Variants in RYR2 observed in about 807,000 individuals in gnomAD.
RYR2 encodes the protein ryanodine receptor 2.
Under a neutral mutation model 601.1 loss-of-function variants are expected in RYR2, and 227 were observed. The observed-to-expected ratio is 0.38, with a 90% CI of 0.34 to 0.42. The LOEUF is 0.42. Ranked by LOEUF, RYR2 falls within the 10% of genes least tolerant of loss-of-function variation. The pLI is 1.00. For synonymous variants in RYR2, 2,223 were observed against 2,175.1 expected, an observed-to-expected ratio of 1.02 and a Z score of -0.61; for missense variants, 4,646 against 6,156.5, an observed-to-expected ratio of 0.75 and a Z score of 8.21.
chr1:237,098,387 ATGTGTGTG>A (rs937631817), intron 1 of RYR2, among the ~76,000 whole-genome samples: 57 of 47,304 alleles, frequency 1.2e-3, no homozygotes, highest in African/African-American at 2.5e-3. Flanking sequence ...CATTGTGTGT[ATGTGTGTG>A]TGTGTGTGTG....
chr1:237,389,618 G>C (rs960552555), intron 10 of RYR2, among the ~76,000 whole-genome samples: 8 of 152,118 alleles, frequency 5.3e-5, no homozygotes, highest in African/African-American at 1.7e-4. Flanking sequence ...TGGGTTTAGG[G>C]GAGAACTAGA....
At chr1:237,173,369 C>T (rs573945640) in intron 1 of RYR2, among the ~76,000 whole-genome samples, 3 of 152,300 alleles carry the variant, frequency 2.0e-5, no homozygotes, top group African/African-American at 7.2e-5. Context: ...TCTCTCCAAA[C>T]CTTTATTTCC....
chr1:237,654,534 A>T (rs1683062631), intron 52 of RYR2, 120 bp downstream of exon 52: 3 of 937,152 alleles, frequency 3.2e-6, no homozygotes, highest in Middle Eastern at 2.7e-4. Context: ...GTATGGCTTG[A>T]TTTTTTCTCT....
chr1:237,556,977 A>T (rs2148163614), intron 27 of RYR2, among the ~76,000 whole-genome samples: 1 of 148,188 alleles, frequency 6.7e-6, no homozygotes, highest in African/African-American at 2.5e-5. Context: ...AATGTGAGTG[A>T]TAGGTGGTTC....
intron 102 of RYR2, among the ~76,000 whole-genome samples, chr1:237,829,756 A>G (rs566432075): frequency 6.6e-6 from 1 of 152,332 alleles, no homozygotes; most frequent in East Asian, 1.9e-4. Flanking sequence ...TTCAGATGGC[A>G]TAAAACAGCT....
chr1:237,553,550 A>G (rs1670606997), intron 27 of RYR2, among the ~76,000 whole-genome samples: 1 of 151,910 alleles, frequency 6.6e-6, no homozygotes, highest in African/African-American at 2.4e-5. Flanking sequence ...CTTCTTTTGC[A>G]TTTCCATATA....
At position 237,454,467 on chromosome 1, in the gene RYR2, C is replaced by A; in HGVS notation, c.1369C>A (p.Gln457Lys). The A allele has an allele frequency of 6.2e-7, 1 of 1,613,576 alleles. No homozygotes were observed. The highest frequency in any genetic ancestry group is 8.5e-7 in the Non-Finnish European group (1 of 1,179,676). The change falls in exon 15 of 105, where the codon CAG becomes AAG. Residue 457 changes from glutamine (Q) to lysine (K), a missense_variant. Gln to Lys is a moderately conservative substitution (Grantham distance 53, BLOSUM62 1). Transcript: ENST00000366574. The part of the protein sequence containing the change: ...LPIESVSLSL[Q>K]DLIGYFHPPD... ...TATAGAGTCCGTAAGCCTAAGTCTG[C>A]AGGATCTCATTGGCTACTTCCACCC...
intron 17 of RYR2, among the ~76,000 whole-genome samples, chr1:237,490,523 A>G (rs760323546): frequency 1.8e-4 from 27 of 152,212 alleles, no homozygotes; most frequent in Non-Finnish European, 3.2e-4. Flanking sequence ...ATAGCAAAAA[A>G]AAAAGGTATT....
chr1:237,099,920 T>G (rs535369392), intron 1 of RYR2, among the ~76,000 whole-genome samples: 63 of 152,300 alleles, frequency 4.1e-4, no homozygotes, highest in African/African-American at 1.4e-3. Context: ...TAAGCTGCAG[T>G]TGGAAGCTGA....
chr1:237,781,355 C>CAAAT (rs1455136733), intron 88 of RYR2, among the ~76,000 whole-genome samples: 1 of 152,166 alleles, frequency 6.6e-6, no homozygotes, highest in Non-Finnish European at 1.5e-5. Context: ...GCCCGGCCTA[C>CAAAT]AAATACTTTA....
intron 1 of RYR2, among the ~76,000 whole-genome samples, chr1:237,263,892 C>A (rs1688775489): frequency 6.6e-6 from 1 of 151,862 alleles, no homozygotes; most frequent in South Asian, 2.1e-4. Flanking sequence ...TTAAAAAAAG[C>A]AAATAGCATA....
rs779028527 is a variant in RYR2, at chr1:237,734,703, G to A, written c.11091+947G>A. Among the ~76,000 whole-genome samples, 13 of 152,300 alleles carry A rather than the reference G, an allele frequency of 8.5e-5. No individual in the cohort carries two copies. In the Middle Eastern group the frequency reaches 0.01, roughly 120 times the overall value. On this transcript the variant is annotated intron_variant, in intron 79 of 104. Transcript: ENST00000366574. ...GGTTTTGCTAAGGCTTCTCACTTGG[G>A]TACCATGTACTGAGATGGCTGCACC...
At position 237,093,397 on chromosome 1, in the gene RYR2, A is replaced by G. The variant is rs913374470; in HGVS notation, c.48+50828A>G. Among the ~76,000 whole-genome samples the G allele has an allele frequency of 2.0e-5, 3 of 152,316 alleles. No individual in the cohort carries two copies. In the East Asian group the frequency reaches 5.8e-4, roughly 29 times the overall value. On this transcript the variant is annotated intron_variant, in intron 1 of 104. Transcript: ENST00000366574. ...GAAATAGAGGGCAGATGATTTATTCATGACATGGAGCTGCCCGGGCAGTCA... is the reference window on the plus strand; with the variant it reads ...GAAATAGAGGGCAGATGATTTATTCGTGACATGGAGCTGCCCGGGCAGTCA...
intron 50 of RYR2, 105 bp from the exon 51 acceptor site, chr1:237,651,306 G>T (rs1288809037): frequency 1.3e-6 from 1 of 751,148 alleles, no homozygotes; most frequent in Non-Finnish European, 2.4e-6. Context: ...CATCTGAAGT[G>T]AGGTATAGAT....
intron 12 of RYR2, among the ~76,000 whole-genome samples, chr1:237,432,506 C>T (rs1371958647): frequency 6.6e-6 from 1 of 152,126 alleles, no homozygotes; most frequent in Non-Finnish European, 1.5e-5. Context: ...CTGACTCAGT[C>T]TTCTCTGGGA....
rs1365338653 is a variant in RYR2 at position 237,118,193 on chromosome 1, T to G, written c.48+75624T>G. 2.0e-5 allele frequency among the ~76,000 whole-genome samples: 3 copies of G among 152,148 alleles called. No individual in the cohort carries two copies. The East Asian group carries it at 5.8e-4, about 29-fold the overall frequency. ...ATTTTAAATTGAAATTGATTGAAATTTATTACGTCTTTGAGAATTTTTTTT... is the reference window on the plus strand; with the variant it reads ...ATTTTAAATTGAAATTGATTGAAATGTATTACGTCTTTGAGAATTTTTTTT... On this transcript the variant is annotated intron_variant, in intron 1 of 104. Coordinates refer to ENST00000366574, the MANE Select transcript of RYR2 (RefSeq NM_001035.3).
intron 25 of RYR2, among the ~76,000 whole-genome samples, chr1:237,532,731 A>G (rs998906951): frequency 2.0e-5 from 3 of 152,174 alleles, no homozygotes; most frequent in Non-Finnish European, 2.9e-5. Flanking sequence ...ATCAAATGCT[A>G]TGCGTGAGTG....
At position 237,644,339 on chromosome 1, in the gene RYR2, C is replaced by T. The variant is rs112339788; in HGVS notation, c.7342+892C>T. ...TCTCTGCCTCACAGGTTCAAGCAAT[C>T]CTCCTGCCTCAGCCTCCCAAGTAGC... On this transcript the variant is annotated intron_variant, in intron 48 of 104. Coordinates refer to ENST00000366574, the MANE Select transcript of RYR2 (RefSeq NM_001035.3). 7.1e-3 allele frequency among the ~76,000 whole-genome samples: 1,074 copies of T among 151,852 alleles called. 10 individuals are homozygous for T. Among genetic ancestry groups the T allele is most frequent in the East Asian group, 0.022 (115 of 5,118 alleles).
At chr1:237,279,995 T>G (rs1381270987) in intron 2 of RYR2, among the ~76,000 whole-genome samples, 1 of 152,222 alleles carries the variant, frequency 6.6e-6, no homozygotes, top group East Asian at 1.9e-4. Context: ...GCCTTGTAGA[T>G]GTAACAATAT....
Sources: gnomAD v4.1 joint callset for allele counts (sites outside exome capture counted in the v4.1 genomes callset) on GRCh38, gnomAD v4.1.1 for gene constraint, MANE v1.5 for transcripts, NCBI Gene and HGNC (gene_info 2026-07-23, HGNC 2026-07-21) for gene names.